CBLB: variants seen among roughly 807,000 people sequenced by gnomAD.
CBLB encodes Cbl proto-oncogene B.
Under a neutral mutation model 104.9 loss-of-function variants are expected in CBLB, and 31 were observed. That is an observed-to-expected ratio of 0.30 (90% confidence interval 0.22 to 0.40). CBLB has a LOEUF of 0.40. Ranked by LOEUF, CBLB falls within the 10% of genes least tolerant of loss-of-function variation. The pLI, the probability that CBLB is intolerant of heterozygous loss-of-function variation, is 1.00. For synonymous variants in CBLB, 440 were observed against 422.6 expected (o/e 1.04, Z -0.51); for missense variants, 1,062 against 1,214.6 (o/e 0.87, Z 1.87).
At chr3:105,726,766 A>G (rs745817307) in intron 9 of CBLB, among the ~76,000 whole-genome samples, 1 of 152,046 alleles carries the variant, frequency 6.6e-6, no homozygotes, top group Non-Finnish European at 1.5e-5. Flanking sequence ...TGTGTTCTCA[A>G]TGTTCAACTT....
chr3:105,869,053 G>C, upstream of CBLB: 1 of 1,074,968 alleles, frequency 9.3e-7, no homozygotes, highest in African/African-American at 1.8e-5. Flanking sequence ...GGCTCGGGGC[G>C]GGGCGGGGCG....
At chr3:105,754,535 G>GAGAGAGAGAC (rs1560097236) in intron 4 of CBLB, among the ~76,000 whole-genome samples, 3 of 114,986 alleles carry the variant, frequency 2.6e-5, no homozygotes, top group South Asian at 3.1e-4. Context: ...GAGAGAGAGA[G>GAGAGAGAGAC]AGAGAGAGAG....
intron 7 of CBLB, among the ~76,000 whole-genome samples, chr3:105,738,532 T>C (rs1206075591): frequency 6.6e-6 from 1 of 151,928 alleles, no homozygotes; most frequent in African/African-American, 2.4e-5. Flanking sequence ...TAAAAAAATA[T>C]TATATAAAAT....
At chr3:105,730,686 G>T (rs2074222961) in intron 9 of CBLB, among the ~76,000 whole-genome samples, 2 of 152,036 alleles carry the variant, frequency 1.3e-5, no homozygotes, top group South Asian at 4.1e-4. Flanking sequence ...GAGCTGCTTT[G>T]TGTGAGGAGA....
At chr3:105,810,239 A>G (rs1363197624) in intron 3 of CBLB, among the ~76,000 whole-genome samples, 2 of 152,118 alleles carry the variant, frequency 1.3e-5, no homozygotes, top group Non-Finnish European at 2.9e-5. Flanking sequence ...CTCTTATTTT[A>G]TTCAATAAAA....
intron 16 of CBLB, among the ~76,000 whole-genome samples, chr3:105,679,587 C>T (rs2066064605): frequency 6.6e-6 from 1 of 151,860 alleles, no homozygotes; most frequent in Non-Finnish European, 1.5e-5. Context: ...ACCATCCTGG[C>T]CAACATGGTG....
At chr3:105,778,195 T>C (rs1378846746) in intron 3 of CBLB, among the ~76,000 whole-genome samples, 3 of 151,976 alleles carry the variant, frequency 2.0e-5, no homozygotes, top group Non-Finnish European at 2.9e-5. Context: ...AATAAAAATA[T>C]AGAGGGAAAT....
intron 3 of CBLB, among the ~76,000 whole-genome samples, chr3:105,789,807 GT>G (rs1246591364): frequency 1.4e-4 from 21 of 151,626 alleles, no homozygotes; most frequent in Non-Finnish European, 2.4e-4. Flanking sequence ...ATATTGGCTT[GT>G]CTAGTTCTAT....
In CBLB at chr3:105,657,682, TA is replaced by T; in HGVS notation, c.*1287del. 1 of 205,476 alleles carries T rather than the reference TA, an allele frequency of 4.9e-6. No individual in the cohort carries two copies. Among genetic ancestry groups the T allele is most frequent in the Non-Finnish European group, 1.0e-5 (1 of 100,492 alleles). 12.7% of individuals were successfully genotyped at this position (205,476 alleles called of 1,614,324 possible). On this transcript the variant is annotated 3_prime_UTR_variant, in exon 19 of 19. Transcript: ENST00000394030. ...TTATTAAGAGTAATAACATGGTGTTTAAAGAACCAACCACCATTTTGTAAAA... is the reference window on the plus strand; with the variant it reads ...TTATTAAGAGTAATAACATGGTGTTTAAGAACCAACCACCATTTTGTAAAA...
At chr3:105,821,446 C>T (rs1290285639) in intron 3 of CBLB, among the ~76,000 whole-genome samples, 1 of 152,018 alleles carries the variant, frequency 6.6e-6, no homozygotes, top group African/African-American at 2.4e-5. Flanking sequence ...AGGTAGGAGC[C>T]CATCACACAA....
At chr3:105,809,669 T>C (rs548781864) in intron 3 of CBLB, among the ~76,000 whole-genome samples, 2 of 152,312 alleles carry the variant, frequency 1.3e-5, no homozygotes, top group East Asian at 3.9e-4. Context: ...GAAAGAAATA[T>C]GTATAAACCC....
chr3:105,812,169 T>A (rs2084399637), intron 3 of CBLB, among the ~76,000 whole-genome samples: 1 of 152,222 alleles, frequency 6.6e-6, no homozygotes, highest in Non-Finnish European at 1.5e-5. Context: ...AATAGGTAGA[T>A]GCAGAAATTG....
Position 105,740,511 on chromosome 3 carries a change from A to G in CBLB, c.966T>C (p.Asp322=). 1 of 1,614,052 alleles carries G rather than the reference A, an allele frequency of 6.2e-7. No homozygotes were observed. The highest frequency in any genetic ancestry group is 2.2e-5 in the East Asian group (1 of 44,864). The change falls in exon 7 of 19, where the codon GAT becomes GAC. Residue 322 remains aspartate (D), a synonymous_variant. Coordinates refer to ENST00000394030, the MANE Select transcript of CBLB (RefSeq NM_170662.5). The part of the protein sequence containing the change: ...HNKPLFQALI[D]GSREGFYLYP... ...ATACTTACAATCCTTCCCTGCTGCC[A>G]TCAATCAGGGCTTGAAATAAGGGCT...
chr3:105,810,851 T>C (rs992832595), intron 3 of CBLB, among the ~76,000 whole-genome samples: 19 of 152,154 alleles, frequency 1.2e-4, no homozygotes, highest in Admixed American at 7.2e-4. Context: ...CTAAGTAAGG[T>C]TGCCTCCTGA....
intron 3 of CBLB, among the ~76,000 whole-genome samples, chr3:105,838,822 TAG>T (rs1276575273): frequency 6.6e-6 from 1 of 152,116 alleles, no homozygotes; most frequent in Non-Finnish European, 1.5e-5. Flanking sequence ...GCATTTTTAG[TAG>T]AGACAGGGTT....
At chr3:105,807,213 T>G (rs2083621229) in intron 3 of CBLB, among the ~76,000 whole-genome samples, 1 of 152,230 alleles carries the variant, frequency 6.6e-6, no homozygotes, top group South Asian at 2.1e-4. Context: ...GATTAAATTT[T>G]TGAGAAAGAT....
chr3:105,818,419 G>A (rs1455622723), intron 3 of CBLB, among the ~76,000 whole-genome samples: 2 of 152,038 alleles, frequency 1.3e-5, no homozygotes, highest in Middle Eastern at 3.2e-3. Flanking sequence ...GTAATGAAAT[G>A]GGGTTCATGT....
At position 105,752,876 on chromosome 3, in the gene CBLB, GGCT is replaced by G. The variant is rs145271457; in HGVS notation, c.567-1261_567-1259del. On this transcript the variant is annotated intron_variant, in intron 4 of 18. Coordinates refer to ENST00000394030, the MANE Select transcript of CBLB (RefSeq NM_170662.5). ...CTGACAGCCATAAAATGTTCCCTGA[GGCT>G]GCTGCTGCTGCTGCTGCTCTAGAGA... Among the ~76,000 whole-genome samples, 842 of 152,194 alleles carry G rather than the reference GGCT, an allele frequency of 5.5e-3. 7 individuals are homozygous for G. The highest frequency in any genetic ancestry group is 0.019 in the African/African-American group (801 of 41,530).
At chr3:105,859,601 G>A (rs1437368471) in intron 2 of CBLB, among the ~76,000 whole-genome samples, 1 of 149,190 alleles carries the variant, frequency 6.7e-6, no homozygotes, top group Admixed American at 6.7e-5. Context: ...CTTGCAGTGA[G>A]CCGAGATCGT....
Sources: gnomAD v4.1 joint callset for allele counts (sites outside exome capture counted in the v4.1 genomes callset) on GRCh38, gnomAD v4.1.1 for gene constraint, MANE v1.5 for transcripts, NCBI Gene and HGNC (gene_info 2026-07-23, HGNC 2026-07-21) for gene names.